Variants in UBASH3B observed in about 807,000 individuals in gnomAD.
UBASH3B encodes ubiquitin associated and SH3 domain containing B, also known as ubiquitin-associated and SH3 domain-containing protein B.
UBASH3B carries 37 observed loss-of-function variants against 83.4 expected under a neutral mutation model. The ratio of observed to expected loss-of-function variants is 0.44; its 90% CI spans 0.34 to 0.58. The LOEUF (loss-of-function observed/expected upper bound fraction) is 0.58, where lower values mean the gene tolerates loss of function less well. Ranked by LOEUF, UBASH3B falls within the 20% of genes least tolerant of loss-of-function variation. UBASH3B has a pLI of 0.01. For synonymous variants in UBASH3B, 304 were observed against 318.3 expected, an observed-to-expected ratio of 0.96 and a Z score of 0.48; for missense variants, 657 against 827.2, an observed-to-expected ratio of 0.79 and a Z score of 2.52.
At position 122,655,949 on chromosome 11, in the gene UBASH3B, C is replaced by G. The variant is rs991140724; in HGVS notation, c.-101C>G. On this transcript the variant is annotated 5_prime_UTR_variant, in exon 1 of 14. Coordinates refer to ENST00000284273, the MANE Select transcript of UBASH3B (RefSeq NM_032873.5). ...CGCTGCCGCCGCCTCCTGCCTGGCT[C>G]TGGGTCCCCGAGCCCCCTCCCCTGG... 11 of 1,251,510 alleles carry G rather than the reference C, an allele frequency of 8.8e-6. No homozygotes were observed. The African/African-American group carries it at 1.6e-4, about 18-fold the overall frequency. The allele number at this position is 1,251,510 out of a possible 1,614,324, so 77.5% of individuals were successfully genotyped here.
rs542297999 is a variant in UBASH3B at position 122,694,750 on chromosome 11, A to C, written c.161+38540A>C. 8.5e-5 allele frequency among the ~76,000 whole-genome samples: 13 copies of C among 152,136 alleles called. No individual in the cohort carries two copies. The East Asian group carries it at 2.1e-3, about 25-fold the overall frequency. ...TTTTAAGGGTTTTAAGCACAGGGCAAGGAAGAGCTCCTAAAACAAGCCTTG... is the reference window on the plus strand; with the variant it reads ...TTTTAAGGGTTTTAAGCACAGGGCACGGAAGAGCTCCTAAAACAAGCCTTG... On this transcript the variant is annotated intron_variant, in intron 1 of 13. Transcript: ENST00000284273.
At chr11:122,757,049 C>T (rs1027572502) in intron 1 of UBASH3B, among the ~76,000 whole-genome samples, 7 of 152,176 alleles carry the variant, frequency 4.6e-5, no homozygotes, top group African/African-American at 1.2e-4. Flanking sequence ...TCCTAAATAT[C>T]GTATCTTAAT....
intron 10 of UBASH3B, 103 bp from the exon 11 acceptor site, chr11:122,801,085 A>C: frequency 7.1e-7 from 1 of 1,399,550 alleles, no homozygotes; most frequent in South Asian, 1.3e-5. Flanking sequence ...TATATATAGC[A>C]GCCAGTAGGA....
rs1002677514 is a variant in UBASH3B, at chr11:122,719,473, C to T, written c.162-56746C>T. 2.6e-5 allele frequency among the ~76,000 whole-genome samples: 4 copies of T among 152,280 alleles called. No individual in the cohort carries two copies. In the East Asian group the frequency reaches 5.8e-4, roughly 22 times the overall value. On this transcript the variant is annotated intron_variant, in intron 1 of 13. Transcript: ENST00000284273. ...TACTCTCTCCTTGTCTTTTCCCCTT[C>T]GTCCTCCTTAAAATAAGTCTCTGAG... is the stretch of plus-strand genomic sequence containing the variant.
In UBASH3B at chr11:122,800,397, A is replaced by C. The variant is rs1328163592; in HGVS notation, c.1451-791A>C. Reference sequence around the variant, plus strand: ...TACTAAAAATACAAAAAAAAAAAAAAAAAAACAAGAGCTGGGCTTGGTGGC... The same window carrying C: ...TACTAAAAATACAAAAAAAAAAAAACAAAAACAAGAGCTGGGCTTGGTGGC... On this transcript the variant is annotated intron_variant, in intron 10 of 13. Coordinates refer to ENST00000284273, the MANE Select transcript of UBASH3B (RefSeq NM_032873.5). 2.0e-5 allele frequency among the ~76,000 whole-genome samples: 3 copies of C among 150,032 alleles called. No individual in the cohort carries two copies. The East Asian group carries it at 5.9e-4, about 30-fold the overall frequency.
chr11:122,778,754 G>A (rs1049877515), intron 3 of UBASH3B, among the ~76,000 whole-genome samples: 26 of 151,806 alleles, frequency 1.7e-4, no homozygotes, highest in Non-Finnish European at 3.1e-4. Context: ...ATAGGCGTCC[G>A]CCACCATGTC....
intron 1 of UBASH3B, among the ~76,000 whole-genome samples, chr11:122,720,140 CCT>C (rs1306242284): frequency 6.6e-6 from 1 of 152,196 alleles, no homozygotes; most frequent in Non-Finnish European, 1.5e-5. Context: ...CCCACCCAGT[CCT>C]CTCTCCCATT....
chr11:122,734,253 G>C (rs1185623905), intron 1 of UBASH3B, among the ~76,000 whole-genome samples: 2 of 152,202 alleles, frequency 1.3e-5, no homozygotes, highest in African/African-American at 2.4e-5. Context: ...GCACAGAAAA[G>C]GGGCTGATAG....
In UBASH3B at chr11:122,758,260, T is replaced by G. The variant is rs1861314287; in HGVS notation, c.162-17959T>G. ...CCCTCTCACTTCCTGGCGTGTTTGG[T>G]CAAGTCCCATTTATAATATGTAAAG... On this transcript the variant is annotated intron_variant, in intron 1 of 13. Coordinates refer to ENST00000284273, the MANE Select transcript of UBASH3B (RefSeq NM_032873.5). The surrounding 1 kb of genome is among the most constrained non-coding windows in gnomAD (Gnocchi z 4.2). Among the ~76,000 whole-genome samples, 4 of 152,122 alleles carry G rather than the reference T, an allele frequency of 2.6e-5. No individual in the cohort carries two copies. The highest frequency in any genetic ancestry group is 2.6e-4 in the Admixed American group (4 of 15,276).
chr11:122,750,942 T>A (rs1861189226), intron 1 of UBASH3B, among the ~76,000 whole-genome samples: 1 of 152,204 alleles, frequency 6.6e-6, no homozygotes, highest in Non-Finnish European at 1.5e-5. Flanking sequence ...CATTTTATTA[T>A]CATTTTCCCT....
chr11:122,721,587 A>G (rs1221732111), intron 1 of UBASH3B, among the ~76,000 whole-genome samples: 1 of 152,188 alleles, frequency 6.6e-6, no homozygotes, highest in Non-Finnish European at 1.5e-5. Context: ...CCATCCCTTT[A>G]AAAGTCCTTA....
intron 1 of UBASH3B, among the ~76,000 whole-genome samples, chr11:122,712,895 G>GTTTT (rs1864214626): frequency 3.2e-5 from 3 of 95,184 alleles, no homozygotes; most frequent in African/African-American, 1.1e-4. Context: ...TTCTCTGGGT[G>GTTTT]GTTTTTTTTT....
chr11:122,807,934 A>T (rs1861369776), intron 12 of UBASH3B, 133 bp from the exon 13 acceptor site: 1 of 722,202 alleles, frequency 1.4e-6, no homozygotes, highest in Non-Finnish European at 2.5e-6. Context: ...AGCACTTTCA[A>T]AATATTGCTT....
At chr11:122,741,733 C>A (rs192036096) in intron 1 of UBASH3B, among the ~76,000 whole-genome samples, 3 of 152,270 alleles carry the variant, frequency 2.0e-5, no homozygotes, top group Non-Finnish European at 1.5e-5. Flanking sequence ...GCCCCAGAAA[C>A]GTGAACTTTC....
At chr11:122,707,433 C>G (rs929264444) in intron 1 of UBASH3B, among the ~76,000 whole-genome samples, 8 of 152,176 alleles carry the variant, frequency 5.3e-5, no homozygotes, top group Non-Finnish European at 1.0e-4. Flanking sequence ...CTGGGCTGCC[C>G]AAGCACCTTG....
In UBASH3B at chr11:122,685,367, A is replaced by G. The variant is rs1306436478; in HGVS notation, c.161+29157A>G. Among the ~76,000 whole-genome samples, 3 of 152,336 alleles carry G rather than the reference A, an allele frequency of 2.0e-5. No individual in the cohort carries two copies. The East Asian group carries it at 5.8e-4, about 29-fold the overall frequency. On this transcript the variant is annotated intron_variant, in intron 1 of 13. Transcript: ENST00000284273. ...AGCAGGTGCTCAAGAAATACTATAG[A>G]GCAAATTAATTTATCTTTGTCATTC...
chr11:122,769,118 T>C (rs1193032502), intron 1 of UBASH3B, among the ~76,000 whole-genome samples: 4 of 152,186 alleles, frequency 2.6e-5, no homozygotes, highest in Non-Finnish European at 4.4e-5. Context: ...GCAGACTATA[T>C]GGGAGGCATG....
chr11:122,667,011 A>G (rs1313569843), intron 1 of UBASH3B, among the ~76,000 whole-genome samples: 1 of 148,660 alleles, frequency 6.7e-6, no homozygotes, highest in African/African-American at 2.5e-5. Context: ...CACTTTCTCC[A>G]TGACAAATCC....
At chr11:122,804,842 T>A (rs1455796701) in intron 11 of UBASH3B, among the ~76,000 whole-genome samples, 2 of 151,860 alleles carry the variant, frequency 1.3e-5, no homozygotes, top group East Asian at 3.9e-4. Context: ...AATAAGAAAA[T>A]TGAAATGACA....
Sources: gnomAD v4.1 joint callset for allele counts (sites outside exome capture counted in the v4.1 genomes callset) on GRCh38, gnomAD v4.1.1 for gene constraint, Gnocchi (gnomAD v3.1) non-coding constraint, MANE v1.5 for transcripts, NCBI Gene and HGNC (gene_info 2026-07-23, HGNC 2026-07-21) for gene names.